Variants in MTF2 observed in about 807,000 individuals in gnomAD.
MTF2 encodes the protein metal-response element-binding transcription factor 2.
Under a neutral mutation model 79.5 loss-of-function variants are expected in MTF2, and 11 were observed. The ratio of observed to expected loss-of-function variants is 0.14; its 90% CI spans 0.09 to 0.23. The LOEUF (loss-of-function observed/expected upper bound fraction) is 0.23. Ranked by LOEUF, MTF2 falls within the 10% of genes least tolerant of loss-of-function variation. The probability of loss-of-function intolerance (pLI) is 1.00; values close to 1 mark genes in which losing one functional copy is unlikely to be tolerated. For missense variants in MTF2, 486 were observed against 711.2 expected, an observed-to-expected ratio of 0.68 and a Z score of 3.60; for synonymous variants, 208 against 232.8, an observed-to-expected ratio of 0.89 and a Z score of 0.97.
chr1:93,129,561 T>A, intron 11 of MTF2, 113 bp downstream of exon 11: 1 of 564,704 alleles, frequency 1.8e-6, no homozygotes. Flanking sequence ...TACTCTGATT[T>A]TTTTTTTTTT....
At chr1:93,127,353 G>C (rs1274910964) in intron 10 of MTF2, 54 bp downstream of exon 10, 8 of 1,130,880 alleles carry the variant, frequency 7.1e-6, no homozygotes, top group Non-Finnish European at 8.0e-6. Context: ...GTAAGTATAA[G>C]GAATAATGGC....
intron 1 of MTF2, among the ~76,000 whole-genome samples, chr1:93,105,745 G>A (rs1487056117): frequency 2.0e-5 from 3 of 151,580 alleles, no homozygotes; most frequent in East Asian, 1.9e-4. Context: ...CTGCGGTCTC[G>A]GCTCACTGCA....
At chr1:93,114,307 T>A (rs1435568190) in intron 3 of MTF2, among the ~76,000 whole-genome samples, 1 of 152,218 alleles carries the variant, frequency 6.6e-6, no homozygotes, top group African/African-American at 2.4e-5. Context: ...AGTGAATGTA[T>A]GTACATGAAT....
intron 6 of MTF2, among the ~76,000 whole-genome samples, chr1:93,117,845 AG>A (rs1010285389): frequency 8.6e-4 from 131 of 152,066 alleles, no homozygotes; most frequent in African/African-American, 3.1e-3. Context: ...CTGGCAACAC[AG>A]GGAGACCTCA....
At chr1:93,083,504 T>C (rs1654702388) in intron 1 of MTF2, among the ~76,000 whole-genome samples, 1 of 152,226 alleles carries the variant, frequency 6.6e-6, no homozygotes, top group Non-Finnish European at 1.5e-5. Flanking sequence ...ATTTTGACTA[T>C]TGTAAGTAAT....
intron 1 of MTF2, among the ~76,000 whole-genome samples, chr1:93,087,594 G>A (rs927953346): frequency 2.9e-4 from 43 of 149,886 alleles, no homozygotes; most frequent in African/African-American, 1.0e-3. Flanking sequence ...AAGCCTTAAT[G>A]GCAAAATATA....
Position 93,125,484 on chromosome 1 carries a change from ACT to A in MTF2, c.922-1745_922-1744del, listed in dbSNP as rs1189348374. On this transcript the variant is annotated intron_variant, in intron 9 of 14. Transcript: ENST00000370298. ...TGCTTTGGAAACATTCTTGAGGGAG[ACT>A]CTTATGGAGGGCCATAGGGGTTCTG... Among the ~76,000 whole-genome samples, 5 of 151,662 alleles carry A rather than the reference ACT, an allele frequency of 3.3e-5. No homozygotes were observed. The South Asian group carries it at 6.3e-4, about 19-fold the overall frequency.
At chr1:93,128,306 C>T (rs1656780394) in intron 10 of MTF2, among the ~76,000 whole-genome samples, 2 of 151,976 alleles carry the variant, frequency 1.3e-5, no homozygotes, top group South Asian at 4.1e-4. Flanking sequence ...ACCTGTAATC[C>T]CAGCACTTTG....
Position 93,123,172 on chromosome 1 carries a change from C to T in MTF2, c.921+2500C>T, listed in dbSNP as rs533008386. ...AATGTTTATATTTTATAATTGAGTA[C>T]CTTGGAGTACTTTAGTCATTTTGAA... On this transcript the variant is annotated intron_variant, in intron 9 of 14. Coordinates refer to ENST00000370298, the MANE Select transcript of MTF2 (RefSeq NM_007358.4). Among the ~76,000 whole-genome samples, 12 of 148,126 alleles carry T rather than the reference C, an allele frequency of 8.1e-5. No homozygotes were observed. The South Asian group carries it at 2.3e-3, about 29-fold the overall frequency.
intron 1 of MTF2, among the ~76,000 whole-genome samples, chr1:93,097,192 A>G (rs1431064949): frequency 6.6e-6 from 1 of 152,126 alleles, no homozygotes; most frequent in East Asian, 1.9e-4. Flanking sequence ...GTCATGAAAT[A>G]TATGCTGTAT....
chr1:93,118,661 C>T (rs922720504), intron 7 of MTF2, among the ~76,000 whole-genome samples: 6 of 152,074 alleles, frequency 3.9e-5, no homozygotes, highest in African/African-American at 7.2e-5. Flanking sequence ...TACATTTGCT[C>T]CTATTGACCC....
intron 1 of MTF2, among the ~76,000 whole-genome samples, chr1:93,081,763 C>G (rs1318115221): frequency 6.6e-6 from 1 of 151,990 alleles, no homozygotes; most frequent in East Asian, 1.9e-4. Context: ...GTATTGAACT[C>G]TAGAAATGTA....
At chr1:93,130,093 GCAAA>G in intron 11 of MTF2, among the ~76,000 whole-genome samples, 1 of 152,316 alleles carries the variant, frequency 6.6e-6, no homozygotes, top group East Asian at 1.9e-4. Context: ...AACAGCAAGT[GCAAA>G]GGCTTTGAAA....
chr1:93,113,216 C>CAAAA (rs34291057), intron 3 of MTF2, among the ~76,000 whole-genome samples: 10 of 107,000 alleles, frequency 9.3e-5, no homozygotes, highest in Admixed American at 2.9e-4. Context: ...CCTGTCGCTA[C>CAAAA]AAAAAAAAAA....
intron 11 of MTF2, 108 bp downstream of exon 11, chr1:93,129,556 T>C: frequency 1.3e-6 from 1 of 787,498 alleles, no homozygotes; most frequent in Middle Eastern, 3.6e-4. Context: ...GCAGTTACTC[T>C]GATTTTTTTT....
chr1:93,099,224 T>C (rs1655424532), intron 1 of MTF2, among the ~76,000 whole-genome samples: 1 of 152,180 alleles, frequency 6.6e-6, no homozygotes, highest in South Asian at 2.1e-4. Flanking sequence ...TGGATTTATA[T>C]AACCTCAATC....
At chr1:93,080,128 A>G (rs967051030) in intron 1 of MTF2, among the ~76,000 whole-genome samples, 5 of 152,094 alleles carry the variant, frequency 3.3e-5, no homozygotes, top group East Asian at 3.8e-4. Context: ...TGGGAGGGAA[A>G]GTGAGATGGG....
intron 1 of MTF2, among the ~76,000 whole-genome samples, chr1:93,098,839 T>G (rs560788938): frequency 6.6e-6 from 1 of 152,336 alleles, no homozygotes; most frequent in African/African-American, 2.4e-5. Flanking sequence ...GAATTTTGAC[T>G]TTGTTCTCCA....
In MTF2 at chr1:93,079,283, A is replaced by G. The variant is rs964686224; in HGVS notation, c.-244A>G. On this transcript the variant is annotated 5_prime_UTR_variant, in exon 1 of 15. Coordinates refer to ENST00000370298, the MANE Select transcript of MTF2 (RefSeq NM_007358.4). ...CTCCGCGCTCCCAGAATGCACCGGC[A>G]GTCCGCGGGAAACCAAAATGGCGAG... 1 of 556,982 alleles carries G rather than the reference A, an allele frequency of 1.8e-6. No individual in the cohort carries two copies. The highest frequency in any genetic ancestry group is 3.2e-6 in the Non-Finnish European group (1 of 311,678). The allele number at this position is 556,982 out of a possible 1,614,324, so 34.5% of individuals were successfully genotyped here.
Sources: gnomAD v4.1 joint callset for allele counts (sites outside exome capture counted in the v4.1 genomes callset) on GRCh38, gnomAD v4.1.1 for gene constraint, MANE v1.5 for transcripts, NCBI Gene and HGNC (gene_info 2026-07-23, HGNC 2026-07-21) for gene names.